The following TCF7L2 variants were observed in gnomAD, a reference collection of about 807,000 sequenced individuals.
TCF7L2 encodes the protein transcription factor 7-like 2.
In TCF7L2, 23 loss-of-function variants were observed where a neutral mutation model predicts 77.9. The ratio of observed to expected loss-of-function variants is 0.30; its 90% confidence interval spans 0.21 to 0.42. The LOEUF is 0.42. Ranked by LOEUF, TCF7L2 falls within the 10% of genes least tolerant of loss-of-function variation. The probability of loss-of-function intolerance (pLI) is 1.00; values close to 1 mark genes in which losing one functional copy is unlikely to be tolerated. For missense variants in TCF7L2, 654 were observed against 793.1 expected (o/e 0.82, Z 2.11); for synonymous variants, 413 against 340.2 (o/e 1.21, Z -2.36).
chr10:113,117,861 A>G (rs563594020), intron 5 of TCF7L2, among the ~76,000 whole-genome samples: 20 of 152,282 alleles, frequency 1.3e-4, no homozygotes, highest in Non-Finnish European at 1.5e-4. Flanking sequence ...CTGCTCCGCC[A>G]CAAGTCCGAG....
intron 4 of TCF7L2, among the ~76,000 whole-genome samples, chr10:112,983,214 G>A (rs1437227187): frequency 6.6e-6 from 1 of 151,598 alleles, no homozygotes; most frequent in Admixed American, 6.6e-5. Context: ...GCTCATGCCT[G>A]TAATCCCAGC....
Position 113,089,597 on chromosome 10 carries a change from C to A in TCF7L2, c.552+49471C>A. ...TGAGCTAGCTCTAAAATGAAGCCGC[C>A]CACCCAAAGTTTACCTCTCTCTAGG... On this transcript the variant is annotated intron_variant, in intron 5 of 13. Transcript: ENST00000627217. The A allele has an allele frequency of 1.9e-6, 3 of 1,588,414 alleles. No individual in the cohort carries two copies. The Admixed American group carries it at 5.3e-5, about 28-fold the overall frequency.
chr10:112,985,582 T>C (rs1359999988), intron 4 of TCF7L2, among the ~76,000 whole-genome samples: 1 of 152,222 alleles, frequency 6.6e-6, no homozygotes, highest in Non-Finnish European at 1.5e-5. Context: ...ATTCCTTAAA[T>C]TGGATTTCAA....
chr10:113,056,062 A>G (rs751665107), intron 5 of TCF7L2, among the ~76,000 whole-genome samples: 2 of 152,248 alleles, frequency 1.3e-5, no homozygotes, highest in African/African-American at 2.4e-5. Flanking sequence ...TGCTAGGGCA[A>G]TAAATAATTC....
rs568819212 is a variant in TCF7L2 at position 113,063,105 on chromosome 10, G to A, written c.552+22979G>A. Among the ~76,000 whole-genome samples the A allele has an allele frequency of 2.3e-3, 357 of 152,216 alleles. 3 individuals carry two copies. The highest frequency in any genetic ancestry group is 4.1e-3 in the Non-Finnish European group (282 of 68,002). ...TGCTTGCAAACAGTACAGTGTTTTT[G>A]TTGTGAAGTTATACCGTGCCTGTAA... On this transcript the variant is annotated intron_variant, in intron 5 of 13. Transcript: ENST00000627217.
chr10:112,964,241 G>C (rs181887965), intron 3 of TCF7L2, among the ~76,000 whole-genome samples: 36 of 152,102 alleles, frequency 2.4e-4, no homozygotes, highest in Admixed American at 3.3e-4. Flanking sequence ...CAGCACACTG[G>C]CTTCCTTTAT....
chr10:113,079,296 T>C (rs932246830), intron 5 of TCF7L2, among the ~76,000 whole-genome samples: 8 of 152,204 alleles, frequency 5.3e-5, no homozygotes, highest in Admixed American at 1.3e-4. Context: ...AAAATTTGTT[T>C]TGTCCCGATT....
chr10:113,074,026 C>A (rs1272863214), intron 5 of TCF7L2, among the ~76,000 whole-genome samples: 1 of 152,184 alleles, frequency 6.6e-6, no homozygotes, highest in Non-Finnish European at 1.5e-5. Flanking sequence ...GTGTCGGCCG[C>A]TGGTGAGCTG....
intron 4 of TCF7L2, among the ~76,000 whole-genome samples, chr10:112,968,368 T>C (rs1247529080): frequency 1.3e-5 from 2 of 152,218 alleles, no homozygotes; most frequent in Non-Finnish European, 2.9e-5. Context: ...AAGACCTTTA[T>C]GATGATCCAC....
chr10:113,047,362 GCTT>G (rs966595670), intron 5 of TCF7L2, among the ~76,000 whole-genome samples: 1 of 152,070 alleles, frequency 6.6e-6, no homozygotes, highest in Non-Finnish European at 1.5e-5. Context: ...AAAACTTTAG[GCTT>G]CTTTGGAGAG....
chr10:112,965,629 ATGTGTGTGTG>A (rs59587175), intron 4 of TCF7L2, among the ~76,000 whole-genome samples: 24,541 of 137,092 alleles, frequency 0.18, 2,281 homozygotes, highest in Middle Eastern at 0.3. Flanking sequence ...GTGTGTGTAT[ATGTGTGTGTG>A]TGTGTGTGTG....
At chr10:113,091,318 A>C (rs529999512) in intron 5 of TCF7L2, among the ~76,000 whole-genome samples, 7 of 152,344 alleles carry the variant, frequency 4.6e-5, no homozygotes, top group African/African-American at 1.7e-4. Context: ...ATTTCTTTCT[A>C]CTTTTAATTC....
At chr10:113,144,542 AC>A (rs1178090481) in intron 7 of TCF7L2, among the ~76,000 whole-genome samples, 1 of 151,972 alleles carries the variant, frequency 6.6e-6, no homozygotes, top group African/African-American at 2.4e-5. Context: ...TGATTCCAGG[AC>A]CCCCCACCTC....
chr10:113,031,402 G>A (rs1003013746), intron 4 of TCF7L2, among the ~76,000 whole-genome samples: 4 of 151,302 alleles, frequency 2.6e-5, no homozygotes, highest in African/African-American at 9.7e-5. Flanking sequence ...CCACTACCAA[G>A]TTTCATTTAA....
chr10:113,055,215 G>C (rs1248267365), intron 5 of TCF7L2, among the ~76,000 whole-genome samples: 2 of 152,216 alleles, frequency 1.3e-5, no homozygotes, highest in Admixed American at 6.5e-5. Context: ...AACTGGATGA[G>C]TTGATTGGAT....
intron 5 of TCF7L2, among the ~76,000 whole-genome samples, chr10:113,069,182 G>A (rs901322603): frequency 6.6e-6 from 1 of 151,824 alleles, no homozygotes; most frequent in Non-Finnish European, 1.5e-5. Flanking sequence ...GGTGGGCGCT[G>A]TAAATGTTGT....
At position 113,002,237 on chromosome 10, in the gene TCF7L2, G is replaced by A. The variant is rs140723386; in HGVS notation, c.450+37613G>A. Among the ~76,000 whole-genome samples the A allele has an allele frequency of 3.0e-3, 461 of 152,306 alleles. 5 individuals are homozygous for A. Among genetic ancestry groups the A allele is most frequent in the African/African-American group, 0.011 (440 of 41,546 alleles). On this transcript the variant is annotated intron_variant, in intron 4 of 13. Coordinates refer to ENST00000627217, the MANE Select transcript of TCF7L2 (RefSeq NM_001146274.2). ...CAGTCAGCTGGTCCTTGAGCCTGTT[G>A]TGTGCCAGATATCCTGACCAAAGAA...
At chr10:112,961,261 C>CCCCCCCCCCCCCCCG (rs2035087653) in intron 3 of TCF7L2, among the ~76,000 whole-genome samples, 1 of 124,950 alleles carries the variant, frequency 8.0e-6, no homozygotes, top group African/African-American at 3.8e-5. Flanking sequence ...GTGACCCCCC[C>CCCCCCCCCCCCCCCG]CCCCCCAACC....
chr10:112,955,534 G>A (rs544241850), intron 3 of TCF7L2, among the ~76,000 whole-genome samples: 6 of 152,222 alleles, frequency 3.9e-5, no homozygotes, highest in Non-Finnish European at 8.8e-5. Context: ...AGCCTAACGA[G>A]CTTATCTGGA....
Sources: allele counts gnomAD v4.1 joint callset (sites outside exome capture counted in the v4.1 genomes callset), GRCh38; gene constraint gnomAD v4.1.1; transcripts MANE v1.5; gene names NCBI Gene and HGNC (gene_info 2026-07-23, HGNC 2026-07-21).